The following CSMD1 variants were observed in gnomAD, a reference collection of about 807,000 sequenced individuals.
CSMD1 encodes CUB and Sushi multiple domains 1.
CSMD1 carries 213 observed loss-of-function variants against 417.5 expected under a neutral mutation model. That is an observed-to-expected ratio of 0.51 (90% CI 0.46 to 0.57). The LOEUF (loss-of-function observed/expected upper bound fraction) is 0.57. Ranked by LOEUF, CSMD1 falls within the 20% of genes least tolerant of loss-of-function variation. The probability of loss-of-function intolerance (pLI) is 0.00; values close to 1 mark genes in which losing one functional copy is unlikely to be tolerated. For missense variants in CSMD1, 6,923 were observed against 4,529.7 expected (o/e 1.53, Z -15.17); for synonymous variants, 2,862 against 1,736.8 (o/e 1.65, Z -16.11).
At chr8:4,089,596 T>A (rs1347226671) in intron 3 of CSMD1, among the ~76,000 whole-genome samples, 1 of 152,098 alleles carries the variant, frequency 6.6e-6, no homozygotes, top group Non-Finnish European at 1.5e-5. Flanking sequence ...CTCTCAAAGG[T>A]TAAATGGGGA....
intron 3 of CSMD1, among the ~76,000 whole-genome samples, chr8:4,315,991 C>T (rs1409153776): frequency 2.0e-5 from 3 of 152,010 alleles, no homozygotes; most frequent in African/African-American, 7.2e-5. Flanking sequence ...ATCTTTTATT[C>T]TTTTTTCTTT....
rs1802963890 is a variant in CSMD1, at chr8:2,955,831, G to C, written c.9815-63C>G. On this transcript the variant is annotated intron_variant, in intron 63 of 69. Coordinates refer to ENST00000635120, the MANE Select transcript of CSMD1 (RefSeq NM_033225.6). Reference sequence around the variant, plus strand: ...TGTAAAGTTAGCACATGTGTCTAGAGAAATTAATAGATTAAAATAGTTTGG... The same window carrying C: ...TGTAAAGTTAGCACATGTGTCTAGACAAATTAATAGATTAAAATAGTTTGG... 4 of 1,433,108 alleles carry C rather than the reference G, an allele frequency of 2.8e-6. No individual in the cohort carries two copies. The East Asian group carries it at 9.1e-5, about 33-fold the overall frequency. 88.8% of individuals were successfully genotyped at this position (1,433,108 alleles called of 1,614,324 possible). A position where few individuals can be genotyped will look rare whatever the true frequency, so the allele number is the denominator to read the frequency against.
At chr8:3,552,453 G>C (rs893423212) in intron 10 of CSMD1, among the ~76,000 whole-genome samples, 2 of 152,186 alleles carry the variant, frequency 1.3e-5, no homozygotes, top group Admixed American at 6.5e-5. Flanking sequence ...TTGTTAGGCA[G>C]TTATAAAGCT....
chr8:3,100,874 C>T (rs540914203), intron 46 of CSMD1, among the ~76,000 whole-genome samples: 6 of 152,100 alleles, frequency 3.9e-5, no homozygotes, highest in African/African-American at 1.2e-4. Flanking sequence ...AAGGTGAGCC[C>T]TCTGTGAACT....
At position 3,308,479 on chromosome 8, in the gene CSMD1, T is replaced by A; in HGVS notation, c.3656A>T (p.Asp1219Val). 6.2e-7 allele frequency: 1 copy of A among 1,612,958 alleles called. No homozygotes were observed. The highest frequency in any genetic ancestry group is 8.5e-7 in the Non-Finnish European group (1 of 1,179,322). Residue 1219 changes from aspartate to valine, a missense_variant, in exon 24 of 70, where the codon GAT becomes GTT. Coordinates refer to ENST00000635120, the MANE Select transcript of CSMD1 (RefSeq NM_033225.6). ...ATAGCCGTAGTTAGGGATGCCCGGATCCTCACATTTTACCAGATCAAAACC... is the reference window on the plus strand; with the variant it reads ...ATAGCCGTAGTTAGGGATGCCCGGAACCTCACATTTTACCAGATCAAAACC... ...YTSFDLVKCE[D>V]PGIPNYGYRI... is the part of the protein sequence containing the mutation.
chr8:3,477,540 T>G (rs978549589), intron 11 of CSMD1, among the ~76,000 whole-genome samples: 1 of 152,214 alleles, frequency 6.6e-6, no homozygotes, highest in South Asian at 2.1e-4. Flanking sequence ...GGCACCTGGG[T>G]ACCTGGGCAG....
intron 5 of CSMD1, among the ~76,000 whole-genome samples, chr8:3,790,829 G>A (rs1190115752): frequency 1.3e-5 from 2 of 152,150 alleles, no homozygotes; most frequent in Non-Finnish European, 2.9e-5. Flanking sequence ...GGAGATGTCA[G>A]AGCCCTGAGT....
intron 1 of CSMD1, among the ~76,000 whole-genome samples, chr8:4,800,639 T>A (rs1393507047): frequency 6.6e-6 from 1 of 152,032 alleles, no homozygotes; most frequent in East Asian, 1.9e-4. Flanking sequence ...TTTGGTGCAA[T>A]CCCCCAGGGG....
chr8:3,302,733 A>C (rs555470555), intron 25 of CSMD1, among the ~76,000 whole-genome samples: 7 of 152,218 alleles, frequency 4.6e-5, no homozygotes, highest in Non-Finnish European at 1.0e-4. Context: ...TTATCCATAT[A>C]GTGATGTAGG....
rs549523360 is a variant in CSMD1, at chr8:4,701,728, T to G, written c.86-64170A>C. Among the ~76,000 whole-genome samples, 7 of 151,960 alleles carry G rather than the reference T, an allele frequency of 4.6e-5. No individual in the cohort carries two copies. The East Asian group carries it at 1.4e-3, about 30-fold the overall frequency. On this transcript the variant is annotated intron_variant, in intron 1 of 69. Transcript: ENST00000635120. ...TGGTGACAAATCATAACATTCCTCT[T>G]TTTCTAAACACTTTTAAGTGTTACT...
chr8:4,016,439 C>G lies in CSMD1; in HGVS notation c.610+15466G>C, dbSNP rs545244025. Among the ~76,000 whole-genome samples the G allele has an allele frequency of 1.2e-4, 18 of 152,268 alleles. No homozygotes were observed. In the South Asian group the frequency reaches 3.5e-3, roughly 30 times the overall value. Reference sequence around the variant, plus strand: ...GACCCTGCAGCTGCACTGAGCCTGTCTCTTAGACGTCTCCAGGTCTCAGGC... The same window carrying G: ...GACCCTGCAGCTGCACTGAGCCTGTGTCTTAGACGTCTCCAGGTCTCAGGC... On this transcript the variant is annotated intron_variant, in intron 4 of 69. Coordinates refer to ENST00000635120, the MANE Select transcript of CSMD1 (RefSeq NM_033225.6).
intron 1 of CSMD1, among the ~76,000 whole-genome samples, chr8:4,941,987 T>C (rs992495394): frequency 3.9e-4 from 59 of 152,228 alleles, no homozygotes; most frequent in African/African-American, 1.4e-3. Context: ...TTAAAAGTCA[T>C]TTAAAACCTG....
intron 3 of CSMD1, among the ~76,000 whole-genome samples, chr8:4,339,809 A>C (rs1434162730): frequency 6.6e-6 from 1 of 152,114 alleles, no homozygotes; most frequent in Non-Finnish European, 1.5e-5. Flanking sequence ...GAACCACTTG[A>C]GGCCAGGAGT....
chr8:4,503,366 A>G (rs1802357839), intron 2 of CSMD1, among the ~76,000 whole-genome samples: 1 of 152,150 alleles, frequency 6.6e-6, no homozygotes, highest in Admixed American at 6.5e-5. Context: ...CTACCATCAT[A>G]CTCAACTTTT....
At chr8:4,592,573 G>C (rs970498894) in intron 2 of CSMD1, among the ~76,000 whole-genome samples, 1 of 151,960 alleles carries the variant, frequency 6.6e-6, no homozygotes, top group Non-Finnish European at 1.5e-5. Context: ...TTTTAGTAGA[G>C]ACAGAGTTTC....
chr8:3,725,763 A>G (rs1196562324), intron 6 of CSMD1, among the ~76,000 whole-genome samples: 1 of 152,152 alleles, frequency 6.6e-6, no homozygotes, highest in Non-Finnish European at 1.5e-5. Context: ...GCAGAGTGGA[A>G]GGACTTGGGA....
chr8:4,170,656 G>T (rs116967135), intron 3 of CSMD1, among the ~76,000 whole-genome samples: 1 of 151,658 alleles, frequency 6.6e-6, no homozygotes, highest in African/African-American at 2.4e-5. Flanking sequence ...TCACTTAAGA[G>T]AAGTAGAATA....
intron 3 of CSMD1, among the ~76,000 whole-genome samples, chr8:4,367,197 A>C (rs1563099880): frequency 6.6e-6 from 1 of 152,126 alleles, no homozygotes; most frequent in Non-Finnish European, 1.5e-5. Flanking sequence ...TGAATCCTTT[A>C]ATCCATCTGG....
intron 2 of CSMD1, among the ~76,000 whole-genome samples, chr8:4,490,225 A>T (rs1801633256): frequency 6.6e-6 from 1 of 151,980 alleles, no homozygotes; most frequent in East Asian, 1.9e-4. Flanking sequence ...TATTCTTAGT[A>T]GAGACAGGGT....
Sources: gnomAD v4.1 joint callset for allele counts (sites outside exome capture counted in the v4.1 genomes callset) on GRCh38, gnomAD v4.1.1 for gene constraint, MANE v1.5 for transcripts, NCBI Gene and HGNC (gene_info 2026-07-23, HGNC 2026-07-21) for gene names.